The following MYOCD variants were observed in gnomAD, a reference collection of about 807,000 sequenced individuals.
MYOCD encodes the protein myocardin.
A neutral mutation model predicts 96.1 loss-of-function variants in MYOCD; 32 were observed. The ratio of observed to expected loss-of-function variants is 0.33; its 90% confidence interval spans 0.25 to 0.45. MYOCD has a LOEUF of 0.45. Ranked by LOEUF, MYOCD falls within the 20% of genes least tolerant of loss-of-function variation. The pLI is 1.00. For synonymous variants in MYOCD, 469 were observed against 469.0 expected (o/e 1.00, Z 0.00); for missense variants, 1,133 against 1,200.6 (o/e 0.94, Z 0.83).
chr17:12,671,505 T>C (rs1000717192), intron 1 of MYOCD, among the ~76,000 whole-genome samples: 1 of 152,186 alleles, frequency 6.6e-6, no homozygotes, highest in South Asian at 2.1e-4. Flanking sequence ...CCATGTGTTA[T>C]TAAGCAAATT....
At chr17:12,707,231 T>C (rs1855983681) in intron 2 of MYOCD, among the ~76,000 whole-genome samples, 1 of 152,076 alleles carries the variant, frequency 6.6e-6, no homozygotes, top group Non-Finnish European at 1.5e-5. Context: ...ATGCAAACAA[T>C]TGGGAGAAGG....
intron 1 of MYOCD, among the ~76,000 whole-genome samples, chr17:12,687,816 A>G (rs2030209036): frequency 6.6e-6 from 1 of 152,216 alleles, no homozygotes; most frequent in South Asian, 2.1e-4. Flanking sequence ...CAAAAACCAA[A>G]TAGTCGAGTG....
At chr17:12,760,760 T>C in intron 13 of MYOCD, 53 bp downstream of exon 13, 1 of 1,453,234 alleles carries the variant, frequency 6.9e-7, no homozygotes, top group South Asian at 1.2e-5. Flanking sequence ...ACATGAACTC[T>C]AAGGAATGAA....
In MYOCD at chr17:12,687,162, AT is replaced by A. The variant is rs11429001; in HGVS notation, c.56-17957del. Among the ~76,000 whole-genome samples, 29 of 151,136 alleles carry A rather than the reference AT, an allele frequency of 1.9e-4. No homozygotes were observed. The East Asian group carries it at 2.1e-3, about 11-fold the overall frequency. On this transcript the variant is annotated intron_variant, in intron 1 of 13. Transcript: ENST00000425538. ...CGCTTTTGTTGTTCACCTCCATGCTATTTTTTTTTCTTTCCGTGTAAGATTT... is the reference window on the plus strand; with the variant it reads ...CGCTTTTGTTGTTCACCTCCATGCTATTTTTTTTCTTTCCGTGTAAGATTT...
At chr17:12,723,108 A>G (rs997772417) in intron 5 of MYOCD, 100 bp downstream of exon 5, 89 of 1,148,310 alleles carry the variant, frequency 7.8e-5, no homozygotes, top group Non-Finnish European at 1.1e-4. Flanking sequence ...AGGGCCTCTC[A>G]CCAGATAAGA....
At chr17:12,688,225 G>T (rs1308263962) in intron 1 of MYOCD, among the ~76,000 whole-genome samples, 3 of 152,212 alleles carry the variant, frequency 2.0e-5, no homozygotes, top group African/African-American at 7.2e-5. Flanking sequence ...GGTTTCAGCT[G>T]ATCCCCCAGT....
At chr17:12,711,626 A>C (rs1367997092) in intron 2 of MYOCD, among the ~76,000 whole-genome samples, 6 of 152,200 alleles carry the variant, frequency 3.9e-5, no homozygotes, top group Non-Finnish European at 7.4e-5. Context: ...GGAGCAATGA[A>C]AAGTGACAGC....
Position 12,752,417 on chromosome 17 carries a change from T to C in MYOCD, c.1129T>C (p.Ser377Pro), listed in dbSNP as rs377140712. Reference protein sequence around the residue: ...LPPNLDDLKVSELRQQLRIRG... With the variant: ...LPPNLDDLKVPELRQQLRIRG... ...AACCACATTCTGATTTCTTTAGGTC[T>C]CTGAATTAAGACAACAGCTTCGAAT... is the stretch of plus-strand genomic sequence containing the variant. The change falls in exon 10 of 14, where the codon TCT becomes CCT. Residue 377 changes from serine (S) to proline (P), a missense_variant. Transcript: ENST00000425538. The C allele has an allele frequency of 1.3e-4, 213 of 1,605,918 alleles. 3 individuals carry two copies. In the South Asian group the frequency reaches 2.2e-3, roughly 16 times the overall value.
At chr17:12,748,685 T>G (rs374367330) in intron 9 of MYOCD, among the ~76,000 whole-genome samples, 3 of 152,166 alleles carry the variant, frequency 2.0e-5, no homozygotes, top group East Asian at 3.8e-4. Context: ...AGCTACATTA[T>G]TTAATAATGT....
At chr17:12,730,246 C>T (rs138073656) in intron 5 of MYOCD, among the ~76,000 whole-genome samples, 8 of 151,870 alleles carry the variant, frequency 5.3e-5, no homozygotes, top group Non-Finnish European at 8.8e-5. Context: ...ATCAGAAGTT[C>T]GAGACCAACC....
At position 12,752,694 on chromosome 17, in the gene MYOCD, G is replaced by C; in HGVS notation, c.1406G>C (p.Gly469Ala). The C allele has an allele frequency of 6.2e-7, 1 of 1,614,126 alleles. No homozygotes were observed. The highest frequency in any genetic ancestry group is 8.5e-7 in the Non-Finnish European group (1 of 1,180,024). ...GCCTCCTCTGACCTGTCAGTCGCTG[G>C]GTCCCTGCCGGACACCTTCAATGAT... The part of the protein sequence containing the change: ...SPASSDLSVA[G>A]SLPDTFNDAS... The change falls in exon 10 of 14, where the codon GGG becomes GCG. Residue 469 changes from glycine (G) to alanine (A), a missense_variant. By Grantham distance (60) the Gly-to-Ala change is moderately conservative. Coordinates refer to ENST00000425538, the MANE Select transcript of MYOCD (RefSeq NM_001146312.3).
intron 1 of MYOCD, among the ~76,000 whole-genome samples, chr17:12,688,424 T>A (rs563905645): frequency 6.6e-6 from 1 of 152,304 alleles, no homozygotes; most frequent in Non-Finnish European, 1.5e-5. Flanking sequence ...AATGTTTAGT[T>A]TTTTCCTTCC....
chr17:12,709,878 C>T (rs2150678287), intron 2 of MYOCD, among the ~76,000 whole-genome samples: 1 of 152,286 alleles, frequency 6.6e-6, no homozygotes, highest in African/African-American at 2.4e-5. Flanking sequence ...GTATCACTCT[C>T]CTGGGTAAAA....
chr17:12,677,702 ACT>A (rs199598448), intron 1 of MYOCD, among the ~76,000 whole-genome samples: 12,196 of 149,966 alleles, frequency 0.081, 547 homozygotes, highest in Middle Eastern at 0.16. Context: ...ACAGAGTGAG[ACT>A]CTGTCTCAAA....
At chr17:12,691,847 T>C (rs937182615) in intron 1 of MYOCD, among the ~76,000 whole-genome samples, 1 of 152,202 alleles carries the variant, frequency 6.6e-6, no homozygotes, top group Admixed American at 6.5e-5. Context: ...TGAGCTTTTA[T>C]ATCTTAGGAG....
At chr17:12,737,534 C>T (rs56218046) in intron 6 of MYOCD, among the ~76,000 whole-genome samples, 2,033 of 152,124 alleles carry the variant, frequency 0.013, 47 homozygotes, top group Non-Finnish European at 0.014. Context: ...GAGAGATGCA[C>T]CCGGGCATCC....
chr17:12,689,903 G>T (rs908226758), intron 1 of MYOCD, among the ~76,000 whole-genome samples: 2 of 152,126 alleles, frequency 1.3e-5, no homozygotes, highest in Admixed American at 6.5e-5. Context: ...CAGATGCACT[G>T]AAAAGTTAAA....
At chr17:12,710,094 C>A (rs1002947701) in intron 2 of MYOCD, among the ~76,000 whole-genome samples, 2 of 152,116 alleles carry the variant, frequency 1.3e-5, no homozygotes, top group Non-Finnish European at 2.9e-5. Flanking sequence ...CTAGGAGGGG[C>A]CCCAAACCAC....
intron 1 of MYOCD, among the ~76,000 whole-genome samples, chr17:12,686,913 T>A (rs1400435537): frequency 6.6e-6 from 1 of 152,174 alleles, no homozygotes; most frequent in African/African-American, 2.4e-5. Context: ...AGGACCCAGA[T>A]GGGTTGGGAG....
Sources: gnomAD v4.1 joint callset for allele counts (sites outside exome capture counted in the v4.1 genomes callset) on GRCh38, gnomAD v4.1.1 for gene constraint, MANE v1.5 for transcripts, NCBI Gene and HGNC (gene_info 2026-07-23, HGNC 2026-07-21) for gene names.